SCTR: variants seen among roughly 807,000 people sequenced by gnomAD.
SCTR encodes secretin receptor, also known as pancreatic secretin receptor.
A neutral mutation model predicts 60.8 loss-of-function variants in SCTR; 56 were observed. That is an observed-to-expected ratio of 0.92 (90% CI 0.74 to 1.15). The LOEUF (loss-of-function observed/expected upper bound fraction) is 1.15. Among genes scored for constraint, SCTR ranks in the 50% most tolerant of loss-of-function variants. The pLI is 0.00. For missense variants in SCTR, 562 were observed against 550.4 expected (o/e 1.02, Z -0.21); for synonymous variants, 202 against 217.0 (o/e 0.93, Z 0.61).
chr2:119,479,093 T>C, intron 2 of SCTR, 175 bp from the exon 3 acceptor site: 2 of 1,437,370 alleles, frequency 1.4e-6, no homozygotes, highest in Non-Finnish European at 9.1e-7. Flanking sequence ...AATGCACCCT[T>C]GGACTCTGCC....
intron 6 of SCTR, 90 bp from the exon 7 acceptor site, chr2:119,462,090 G>C (rs1401530801): frequency 7.5e-7 from 1 of 1,326,978 alleles, no homozygotes; most frequent in Non-Finnish European, 1.0e-6. Flanking sequence ...GGGTGTTGTA[G>C]GGGCAGGAGC....
chr2:119,461,825 T>C, intron 7 of SCTR, 22 bp downstream of exon 7: 1 of 1,592,662 alleles, frequency 6.3e-7, no homozygotes, highest in African/African-American at 1.3e-5. Context: ...CATGCAGATA[T>C]CAGACCCAGG....
chr2:119,517,335 A>T (rs1002819277), intron 1 of SCTR, among the ~76,000 whole-genome samples: 2 of 151,980 alleles, frequency 1.3e-5, no homozygotes, highest in African/African-American at 2.4e-5. Context: ...AATTTTTAAA[A>T]TTTTTTGTAG....
intron 1 of SCTR, among the ~76,000 whole-genome samples, chr2:119,501,797 C>G (rs1161451839): frequency 6.6e-6 from 1 of 151,266 alleles, no homozygotes; most frequent in Admixed American, 6.6e-5. Context: ...GAAGAAAAAC[C>G]TATTTGCAGA....
chr2:119,452,507 A>G (rs1310385903), intron 8 of SCTR, among the ~76,000 whole-genome samples: 1 of 152,214 alleles, frequency 6.6e-6, no homozygotes, highest in Non-Finnish European at 1.5e-5. Context: ...TGTCCAAGAC[A>G]GCCGCAGCTC....
intron 2 of SCTR, among the ~76,000 whole-genome samples, chr2:119,494,048 C>T (rs1222045536): frequency 1.3e-5 from 2 of 152,130 alleles, no homozygotes; most frequent in Non-Finnish European, 2.9e-5. Flanking sequence ...CTACTGTGGA[C>T]CCAGGCTGCC....
chr2:119,506,077 C>T (rs905937672), intron 1 of SCTR, among the ~76,000 whole-genome samples: 2 of 152,180 alleles, frequency 1.3e-5, no homozygotes, highest in Non-Finnish European at 2.9e-5. Flanking sequence ...TAAAATGGTA[C>T]AGTCACTGTA....
chr2:119,477,881 C>G (rs746509143), intron 3 of SCTR, among the ~76,000 whole-genome samples: 20 of 152,234 alleles, frequency 1.3e-4, no homozygotes, highest in Non-Finnish European at 2.5e-4. Context: ...TCATTTCCCC[C>G]AGTTCCCATA....
Position 119,440,179 on chromosome 2 carries a change from T to C in SCTR, c.1261A>G (p.Asn421Asp). The change falls in exon 13 of 13, where the codon AAC becomes GAC. Residue 421 changes from asparagine to aspartate, a missense_variant. Asn to Asp is a conservative substitution (Grantham distance 23). Coordinates refer to ENST00000019103, the MANE Select transcript of SCTR (RefSeq NM_002980.3). ...FPLHPVASFS[N>D]STKASHLEQS... is the part of the protein sequence containing the mutation. Reference sequence around the variant, plus strand: ...TCCAAGTGGCTGGCCTTGGTGCTGTTGCTGAAGGAGGCCACGGGGTGCAGT... The same window carrying C: ...TCCAAGTGGCTGGCCTTGGTGCTGTCGCTGAAGGAGGCCACGGGGTGCAGT... The C allele has an allele frequency of 6.2e-7, 1 of 1,614,080 alleles. No homozygotes were observed. Among genetic ancestry groups the C allele is most frequent in the Non-Finnish European group, 8.5e-7 (1 of 1,180,004 alleles).
intron 5 of SCTR, among the ~76,000 whole-genome samples, chr2:119,465,373 C>A (rs1683788728): frequency 6.6e-6 from 1 of 152,188 alleles, no homozygotes; most frequent in African/African-American, 2.4e-5. Context: ...CACTGAACAC[C>A]TAGATCCAGC....
intron 2 of SCTR, among the ~76,000 whole-genome samples, chr2:119,491,098 C>T (rs1243653376): frequency 6.6e-6 from 1 of 152,178 alleles, no homozygotes; most frequent in Non-Finnish European, 1.5e-5. Flanking sequence ...ACATCGTATC[C>T]AGTCCCAATG....
intron 4 of SCTR, among the ~76,000 whole-genome samples, chr2:119,473,049 T>C (rs56362138): frequency 1.3e-5 from 2 of 152,172 alleles, no homozygotes; most frequent in Non-Finnish European, 2.9e-5. Context: ...ATTTCCCAGA[T>C]GAAGAAAGTG....
chr2:119,498,000 T>C (rs1678412927), intron 1 of SCTR, among the ~76,000 whole-genome samples: 1 of 152,098 alleles, frequency 6.6e-6, no homozygotes, highest in Non-Finnish European at 1.5e-5. Flanking sequence ...TTCCCAAATT[T>C]GGCAAGAGAC....
In SCTR at chr2:119,524,334, G is replaced by A; in HGVS notation, c.-108C>T. The A allele has an allele frequency of 1.5e-6, 1 of 689,250 alleles. No individual in the cohort carries two copies. The highest frequency in any genetic ancestry group is 2.1e-6 in the Non-Finnish European group (1 of 473,636). 42.7% of individuals were successfully genotyped at this position (689,250 alleles called of 1,614,324 possible). On this transcript the variant is annotated 5_prime_UTR_variant, in exon 1 of 13. Coordinates refer to ENST00000019103, the MANE Select transcript of SCTR (RefSeq NM_002980.3). ...GGGTCCCGGGCTCCGGCCGGCCGCT[G>A]CGCCCCGAGGAGCCATGGCTGAGCC...
intron 1 of SCTR, among the ~76,000 whole-genome samples, chr2:119,521,144 C>T (rs1473601710): frequency 2.0e-5 from 3 of 152,148 alleles, no homozygotes; most frequent in African/African-American, 7.2e-5. Context: ...AAAACCAGCC[C>T]CACACACCTC....
At chr2:119,486,284 T>A (rs1433785442) in intron 2 of SCTR, 4 of 152,052 alleles carry the variant, frequency 2.6e-5, no homozygotes, top group Admixed American at 2.0e-4. Flanking sequence ...CTGCACTACA[T>A]GAGATGAAGA....
intron 2 of SCTR, among the ~76,000 whole-genome samples, chr2:119,491,114 A>G (rs1678106574): frequency 6.6e-6 from 1 of 152,132 alleles, no homozygotes; most frequent in Non-Finnish European, 1.5e-5. Context: ...CAATGATCAT[A>G]TCTCTTGCCT....
Position 119,448,727 on chromosome 2 carries a change from T to G in SCTR, c.975A>C (p.Arg325Ser), listed in dbSNP as rs938242000. Reference protein sequence around the residue: ...NILRILMRKLRTQETRGNEVS... With the variant: ...NILRILMRKLSTQETRGNEVS... ...CTTCATTTCCTCTTGTTTCTTGGGT[T>G]CTAAGTTTTCTCATCAGGATTCTTA... Residue 325 changes from arginine to serine, a missense_variant, in exon 10 of 13, where the codon AGA (arginine) becomes AGC (serine). Physicochemically the swap from Arg to Ser is moderately radical, Grantham distance 110. Coordinates refer to ENST00000019103, the MANE Select transcript of SCTR (RefSeq NM_002980.3). The G allele has an allele frequency of 1.2e-6, 2 of 1,603,612 alleles. No homozygotes were observed. Among genetic ancestry groups the G allele is most frequent in the Non-Finnish European group, 1.7e-6 (2 of 1,170,528 alleles).
chr2:119,441,541 G>C lies in SCTR; in HGVS notation c.1182+17C>G. 1 of 1,605,824 alleles carries C rather than the reference G, an allele frequency of 6.2e-7. No homozygotes were observed. The highest frequency in any genetic ancestry group is 8.5e-7 in the Non-Finnish European group (1 of 1,173,426). On this transcript the variant is annotated intron_variant, in intron 12 of 12. Transcript: ENST00000019103. The stretch of plus-strand genomic sequence containing the variant: ...TAGGAGCTCTCCTGGGTACCTGGGT[G>C]ACCCAAGACTACTCACCTCCCCATT...
Sources: allele counts gnomAD v4.1 joint callset (sites outside exome capture counted in the v4.1 genomes callset), GRCh38; gene constraint gnomAD v4.1.1; transcripts MANE v1.5; gene names NCBI Gene and HGNC (gene_info 2026-07-23, HGNC 2026-07-21).